The following ASZ1 variants were observed in gnomAD, a reference collection of about 807,000 sequenced individuals.
ASZ1 encodes the protein ankyrin repeat, SAM and basic leucine zipper domain-containing protein 1.
In ASZ1, 67 loss-of-function variants were observed where a neutral mutation model predicts 61.8. The ratio of observed to expected loss-of-function variants is 1.08; its 90% CI spans 0.89 to 1.33. The LOEUF (loss-of-function observed/expected upper bound fraction) is 1.33, where lower values mean the gene tolerates loss of function less well. ASZ1 is among the 40% of genes most tolerant of loss of function. ASZ1 has a pLI of 0.00. For synonymous variants in ASZ1, 193 were observed against 192.7 expected (o/e 1.00, Z -0.01); for missense variants, 577 against 554.5 (o/e 1.04, Z -0.41).
rs199772988 is a variant in ASZ1, at chr7:117,382,099, A to G, written c.858T>C (p.Leu286=). 2 of 1,598,272 alleles carry G rather than the reference A, an allele frequency of 1.3e-6. No homozygotes were observed. Among genetic ancestry groups the G allele is most frequent in the Non-Finnish European group, 1.7e-6 (2 of 1,166,108 alleles). Residue 286 remains leucine (L), a synonymous_variant, in exon 8 of 13, where the codon CTT becomes CTC. Coordinates refer to ENST00000284629, the MANE Select transcript of ASZ1 (RefSeq NM_130768.3). ...FGDLEVFLHG[L]GLEHMTDLLK... ...GTAAATCTGTCATATGTTCAAGTCC[A>G]AGACCATGTAAAAATACTTCCAGAT...
At chr7:117,426,051 C>T (rs1797203982) in intron 2 of ASZ1, among the ~76,000 whole-genome samples, 1 of 152,000 alleles carries the variant, frequency 6.6e-6, no homozygotes, top group Admixed American at 6.5e-5. Context: ...ATGCCTCTTC[C>T]AAGAAACCAG....
intron 4 of ASZ1, among the ~76,000 whole-genome samples, chr7:117,387,307 T>A (rs997360942): frequency 3.4e-5 from 5 of 147,270 alleles, no homozygotes; most frequent in African/African-American, 1.3e-4. Context: ...AGACCCTGTC[T>A]CAACAACAAC....
At chr7:117,388,473 G>C (rs1472702177) in intron 4 of ASZ1, among the ~76,000 whole-genome samples, 2 of 151,996 alleles carry the variant, frequency 1.3e-5, no homozygotes, top group Non-Finnish European at 2.9e-5. Flanking sequence ...AATTATCCTA[G>C]GAATGCAAGG....
chr7:117,404,118 C>G (rs1040859356), intron 4 of ASZ1, among the ~76,000 whole-genome samples: 1 of 152,074 alleles, frequency 6.6e-6, no homozygotes, highest in African/African-American at 2.4e-5. Flanking sequence ...TTTAGGTGAC[C>G]TATATATAGT....
chr7:117,370,605 G>A (rs1796030964), intron 10 of ASZ1, among the ~76,000 whole-genome samples: 1 of 151,920 alleles, frequency 6.6e-6, no homozygotes, highest in African/African-American at 2.4e-5. Context: ...GAAAAAGAAA[G>A]AAACAAAATT....
intron 4 of ASZ1, among the ~76,000 whole-genome samples, chr7:117,404,762 C>T (rs1321719578): frequency 6.6e-6 from 1 of 152,102 alleles, no homozygotes; most frequent in Non-Finnish European, 1.5e-5. Context: ...TTTGGCCAGG[C>T]CCCCTTGAAG....
intron 4 of ASZ1, among the ~76,000 whole-genome samples, 196 bp from the exon 5 acceptor site, chr7:117,386,005 T>C (rs987743434): frequency 6.6e-6 from 1 of 152,212 alleles, no homozygotes; most frequent in Non-Finnish European, 1.5e-5. Context: ...ACTTTTAAAG[T>C]GCTGAATGCT....
At chr7:117,414,650 T>C (rs745970598) in intron 4 of ASZ1, among the ~76,000 whole-genome samples, 36 of 152,260 alleles carry the variant, frequency 2.4e-4, no homozygotes, top group Non-Finnish European at 3.8e-4. Context: ...CATCTCCTGA[T>C]AGGCCCTGGT....
chr7:117,382,761 T>C (rs1562849182), intron 7 of ASZ1, among the ~76,000 whole-genome samples: 1 of 152,120 alleles, frequency 6.6e-6, no homozygotes, highest in Admixed American at 6.6e-5. Flanking sequence ...ATTGTTGATA[T>C]CTTACTTAAA....
At chr7:117,390,861 A>G (rs764085787) in intron 4 of ASZ1, among the ~76,000 whole-genome samples, 2 of 151,972 alleles carry the variant, frequency 1.3e-5, no homozygotes, top group Non-Finnish European at 2.9e-5. Flanking sequence ...CTGCCACTGC[A>G]CCTGGCTAAT....
intron 12 of ASZ1, among the ~76,000 whole-genome samples, chr7:117,365,456 T>A (rs1341305788): frequency 6.6e-6 from 1 of 152,164 alleles, no homozygotes; most frequent in African/African-American, 2.4e-5. Flanking sequence ...AAATATGGTT[T>A]TCTAATTTCA....
chr7:117,377,305 C>G (rs537463984), intron 10 of ASZ1, among the ~76,000 whole-genome samples: 18 of 152,132 alleles, frequency 1.2e-4, no homozygotes, highest in African/African-American at 4.3e-4. Flanking sequence ...GTGGGAGGAT[C>G]ACTTGAACCT....
rs376974381 is a variant in ASZ1 at position 117,422,376 on chromosome 7, A to G, written c.206-17T>C. ...CACTAATGCCTGTCAATATAAAAAC[A>G]AGCTTTTAAAAGCACACTACCACCA... On this transcript the variant is annotated splice_polypyrimidine_tract_variant and intron_variant, in intron 2 of 12. Transcript: ENST00000284629. 4.7e-5 allele frequency: 76 copies of G among 1,607,830 alleles called. No individual in the cohort carries two copies. The highest frequency in any genetic ancestry group is 6.0e-5 in the Non-Finnish European group (71 of 1,178,132).
chr7:117,422,379 C>A lies in ASZ1; in HGVS notation c.206-20G>T, dbSNP rs1562862369. Reference sequence around the variant, plus strand: ...TAATGCCTGTCAATATAAAAACAAGCTTTTAAAAGCACACTACCACCAAAG... The same window carrying A: ...TAATGCCTGTCAATATAAAAACAAGATTTTAAAAGCACACTACCACCAAAG... On this transcript the variant is annotated intron_variant, in intron 2 of 12. Transcript: ENST00000284629. 6.2e-7 allele frequency: 1 copy of A among 1,607,268 alleles called. No homozygotes were observed. Among genetic ancestry groups the A allele is most frequent in the African/African-American group, 1.3e-5 (1 of 74,600 alleles).
At chr7:117,393,427 A>G (rs2116488292) in intron 4 of ASZ1, among the ~76,000 whole-genome samples, 2 of 152,242 alleles carry the variant, frequency 1.3e-5, no homozygotes, top group Non-Finnish European at 2.9e-5. Flanking sequence ...CATGTATATT[A>G]AAACTATCTT....
At chr7:117,423,069 T>A (rs1036922686) in intron 2 of ASZ1, among the ~76,000 whole-genome samples, 1 of 152,142 alleles carries the variant, frequency 6.6e-6, no homozygotes, top group Non-Finnish European at 1.5e-5. Flanking sequence ...GGCAGGGTCA[T>A]CAGAATTTAA....
chr7:117,383,172 A>G, intron 6 of ASZ1, 62 bp from the exon 7 acceptor site: 1 of 1,398,032 alleles, frequency 7.2e-7, no homozygotes, highest in South Asian at 1.7e-5. Flanking sequence ...TACACTTAAA[A>G]GAAACTGAAC....
At chr7:117,427,326 G>A (rs749368643) in intron 1 of ASZ1, 30 bp downstream of exon 1, 1 of 1,609,714 alleles carries the variant, frequency 6.2e-7, no homozygotes, top group Non-Finnish European at 8.5e-7. Flanking sequence ...CTGAAACCAG[G>A]TGTGGTCAAG....
chr7:117,374,169 T>G (rs1233761094), intron 10 of ASZ1, among the ~76,000 whole-genome samples: 5 of 152,106 alleles, frequency 3.3e-5, no homozygotes, highest in African/African-American at 1.2e-4. Flanking sequence ...TTTAAGAAAT[T>G]AGGATCGTCT....
Sources: allele counts gnomAD v4.1 joint callset (sites outside exome capture counted in the v4.1 genomes callset), GRCh38; gene constraint gnomAD v4.1.1; transcripts MANE v1.5; gene names NCBI Gene and HGNC (gene_info 2026-07-23, HGNC 2026-07-21).